The following SLC9A9 variants were observed in gnomAD, a reference collection of about 807,000 sequenced individuals.
The protein encoded by SLC9A9 is solute carrier family 9 member A9.
A neutral mutation model predicts 77.8 loss-of-function variants in SLC9A9; 62 were observed. The observed-to-expected ratio is 0.80, with a 90% CI of 0.65 to 0.98. The LOEUF (loss-of-function observed/expected upper bound fraction) is 0.98. Among genes scored for constraint, SLC9A9 ranks in the 50% least tolerant of loss-of-function variants. The pLI is 0.00. For missense variants in SLC9A9, 775 were observed against 774.9 expected (o/e 1.00, Z 0.00); for synonymous variants, 320 against 283.5 (o/e 1.13, Z -1.29).
intron 5 of SLC9A9, among the ~76,000 whole-genome samples, chr3:143,664,205 C>G (rs1275741378): frequency 1.3e-5 from 2 of 152,086 alleles, no homozygotes; most frequent in Non-Finnish European, 2.9e-5. Context: ...AATTTTCAAC[C>G]CAGAATCTCA....
chr3:143,527,724 G>A (rs937643322), intron 9 of SLC9A9, among the ~76,000 whole-genome samples: 5 of 152,284 alleles, frequency 3.3e-5, no homozygotes, highest in South Asian at 2.1e-4. Context: ...CTTAGCAATA[G>A]GTCCACATCC....
chr3:143,482,357 A>G (rs2035587911), intron 11 of SLC9A9, among the ~76,000 whole-genome samples: 1 of 152,186 alleles, frequency 6.6e-6, no homozygotes, highest in African/African-American at 2.4e-5. Flanking sequence ...GAGCTCATGG[A>G]TGAAGTTTTG....
At chr3:143,693,355 G>T in intron 4 of SLC9A9, 48 bp from the exon 5 acceptor site, 1 of 1,410,076 alleles carries the variant, frequency 7.1e-7, no homozygotes, top group Non-Finnish European at 1.0e-6. Context: ...TGAACCCTGT[G>T]TAAACCCATG....
chr3:143,794,883 T>A (rs1349670063), intron 4 of SLC9A9, 118 bp downstream of exon 4: 2 of 885,808 alleles, frequency 2.3e-6, no homozygotes, highest in Non-Finnish European at 3.8e-6. Context: ...TACAAATATG[T>A]GATATACTAA....
At chr3:143,772,579 A>G (rs757976419) in intron 4 of SLC9A9, among the ~76,000 whole-genome samples, 13 of 152,200 alleles carry the variant, frequency 8.5e-5, no homozygotes, top group Non-Finnish European at 1.9e-4. Flanking sequence ...ATGAAGCACA[A>G]GCTGGTCCGG....
At chr3:143,288,083 G>GA (rs1439012260) in intron 14 of SLC9A9, among the ~76,000 whole-genome samples, 2 of 151,900 alleles carry the variant, frequency 1.3e-5, no homozygotes, top group Non-Finnish European at 1.5e-5. Context: ...ACTACAATAG[G>GA]AAAAAATGGA....
At chr3:143,781,189 C>A (rs1275315365) in intron 4 of SLC9A9, among the ~76,000 whole-genome samples, 1 of 152,192 alleles carries the variant, frequency 6.6e-6, no homozygotes, top group African/African-American at 2.4e-5. Flanking sequence ...TCTATGTGGA[C>A]ACTCTTGCTT....
chr3:143,593,515 T>C (rs1230510091), intron 6 of SLC9A9, among the ~76,000 whole-genome samples: 1 of 152,108 alleles, frequency 6.6e-6, no homozygotes, highest in Non-Finnish European at 1.5e-5. Flanking sequence ...TCTTGGAAAA[T>C]CCAATTAAAA....
At chr3:143,707,100 C>T (rs1458799405) in intron 4 of SLC9A9, among the ~76,000 whole-genome samples, 1 of 152,104 alleles carries the variant, frequency 6.6e-6, no homozygotes, top group Non-Finnish European at 1.5e-5. Context: ...ATTTGACCAT[C>T]CCAAAATTTT....
chr3:143,653,565 T>A (rs1465261215), intron 5 of SLC9A9, among the ~76,000 whole-genome samples: 1 of 152,016 alleles, frequency 6.6e-6, no homozygotes. Context: ...ACAAGTTGAA[T>A]GTGAAGGTTT....
chr3:143,833,462 G>A (rs961117299), intron 1 of SLC9A9, among the ~76,000 whole-genome samples: 5 of 152,294 alleles, frequency 3.3e-5, no homozygotes, highest in African/African-American at 9.6e-5. Flanking sequence ...GGGGTATTCC[G>A]AAGCCCTTTG....
intron 14 of SLC9A9, among the ~76,000 whole-genome samples, chr3:143,324,941 A>G (rs946365492): frequency 6.6e-6 from 1 of 152,192 alleles, no homozygotes; most frequent in Non-Finnish European, 1.5e-5. Flanking sequence ...TTAATCTTTT[A>G]AAAATAATGT....
intron 12 of SLC9A9, among the ~76,000 whole-genome samples, chr3:143,412,772 C>T (rs2034119584): frequency 1.3e-5 from 2 of 152,224 alleles, no homozygotes; most frequent in Admixed American, 1.3e-4. Flanking sequence ...AACCGTCTCC[C>T]TCTTCCACCC....
In SLC9A9 at chr3:143,326,406, G is replaced by C. The variant is rs138607339; in HGVS notation, c.1604+37078C>G. 5.3e-5 allele frequency among the ~76,000 whole-genome samples: 8 copies of C among 152,234 alleles called. No individual in the cohort carries two copies. The Middle Eastern group carries it at 0.017, about 324-fold the overall frequency. The stretch of plus-strand genomic sequence containing the variant: ...TCTTAACTTTGCCTGCCGGCCCTGC[G>C]TGATCTGTCTGCCTCATTGCTTTCT... On this transcript the variant is annotated intron_variant, in intron 14 of 15. Coordinates refer to ENST00000316549, the MANE Select transcript of SLC9A9 (RefSeq NM_173653.4).
chr3:143,422,445 CA>C (rs2034317378), intron 12 of SLC9A9, among the ~76,000 whole-genome samples: 1 of 152,178 alleles, frequency 6.6e-6, no homozygotes, highest in Non-Finnish European at 1.5e-5. Context: ...ACATCTTTTG[CA>C]GCAACATGGA....
At chr3:143,655,406 C>G (rs1019181823) in intron 5 of SLC9A9, 1 of 905,616 alleles carries the variant, frequency 1.1e-6, no homozygotes, top group Non-Finnish European at 1.3e-6. Flanking sequence ...CTCTGGACAT[C>G]GTGTGGATAG....
At chr3:143,827,751 C>T (rs1017731672) in intron 2 of SLC9A9, among the ~76,000 whole-genome samples, 1 of 152,214 alleles carries the variant, frequency 6.6e-6, no homozygotes, top group African/African-American at 2.4e-5. Flanking sequence ...ATCCAAGACA[C>T]TAAACTATAT....
intron 6 of SLC9A9, among the ~76,000 whole-genome samples, chr3:143,595,644 A>G (rs2037740269): frequency 6.6e-6 from 1 of 152,262 alleles, no homozygotes; most frequent in Admixed American, 6.5e-5. Context: ...TGAGAGCAAG[A>G]GAGAGCACTG....
chr3:143,518,027 T>A, intron 9 of SLC9A9: 2 of 1,435,044 alleles, frequency 1.4e-6, no homozygotes, highest in Non-Finnish European at 1.9e-6. Context: ...TGCCTTTAAG[T>A]CTTCCTCCAC....
Sources: gnomAD v4.1 joint callset for allele counts (sites outside exome capture counted in the v4.1 genomes callset) on GRCh38, gnomAD v4.1.1 for gene constraint, MANE v1.5 for transcripts, NCBI Gene and HGNC (gene_info 2026-07-23, HGNC 2026-07-21) for gene names.